The following LBR variants were observed in gnomAD, a reference collection of about 807,000 sequenced individuals.
LBR encodes the protein lamin B receptor.
LBR carries 28 observed loss-of-function variants against 74.3 expected under a neutral mutation model. The observed-to-expected ratio is 0.38, with a 90% confidence interval of 0.28 to 0.52. The LOEUF (loss-of-function observed/expected upper bound fraction) is 0.52, where lower values mean the gene tolerates loss of function less well. Ranked by LOEUF, LBR falls within the 20% of genes least tolerant of loss-of-function variation. The pLI is 0.89. For synonymous variants in LBR, 228 were observed against 269.3 expected (o/e 0.85, Z 1.50); for missense variants, 717 against 760.3 (o/e 0.94, Z 0.67).
chr1:225,417,959 C>T (rs1221141568), intron 6 of LBR, 25 bp downstream of exon 6: 1 of 1,608,396 alleles, frequency 6.2e-7, no homozygotes, highest in African/African-American at 1.3e-5. Context: ...CTTATTAAAA[C>T]AAAACAGAAT....
intron 11 of LBR, 177 bp downstream of exon 11, chr1:225,406,487 C>T (rs1436495348): frequency 3.1e-5 from 18 of 589,566 alleles, no homozygotes; most frequent in Admixed American, 6.6e-5. Context: ...AACCCAAGTA[C>T]GAACCATCCA....
chr1:225,417,910 A>C, intron 6 of LBR, 74 bp downstream of exon 6: 4 of 1,399,846 alleles, frequency 2.9e-6, no homozygotes, highest in Non-Finnish European at 4.0e-6. Context: ...TTGATCCCAG[A>C]AATTGGAGAC....
chr1:225,409,826 T>C (rs2096100967), intron 10 of LBR, among the ~76,000 whole-genome samples: 1 of 152,246 alleles, frequency 6.6e-6, no homozygotes, highest in African/African-American at 2.4e-5. Context: ...GTTTCCTCAA[T>C]GCATCTTGAT....
rs1156536082 is a variant in LBR, at chr1:225,404,464, C to A, written c.1627G>T (p.Val543Phe). ...NLLVSGWWGF[V>F]RHPNYLGDLI... The stretch of plus-strand genomic sequence containing the variant: ...TCACCCAAGTAATTGGGGTGGCGAA[C>A]AAAGCCCCACCATCCAGAAACTAGA... The change falls in exon 13 of 14, where the codon GTT becomes TTT. Residue 543 changes from valine (V) to phenylalanine (F), a missense_variant. Physicochemically the swap from Val to Phe is conservative, Grantham distance 50. Coordinates refer to ENST00000272163, the MANE Select transcript of LBR (RefSeq NM_002296.4). 6.2e-7 allele frequency: 1 copy of A among 1,613,922 alleles called. No homozygotes were observed. The highest frequency in any genetic ancestry group is 8.5e-7 in the Non-Finnish European group (1 of 1,179,952).
rs1009715880 is a variant in LBR, at chr1:225,401,590, A to G, written c.*1713T>C. ...ACATGTCAAAAACAAACTTAAAAAC[A>G]AAGTGTAGCTGATATCCAGAAATTG... is the stretch of plus-strand genomic sequence containing the variant. On this transcript the variant is annotated 3_prime_UTR_variant, in exon 14 of 14. Coordinates refer to ENST00000272163, the MANE Select transcript of LBR (RefSeq NM_002296.4). 1.3e-5 allele frequency: 2 copies of G among 152,214 alleles called. No homozygotes were observed. Among genetic ancestry groups the G allele is most frequent in the African/African-American group, 4.8e-5 (2 of 41,462 alleles). The allele number at this position is 152,214 out of a possible 1,614,324, so 9.4% of individuals were successfully genotyped here.
rs1200721709 is a variant in LBR at position 225,401,662 on chromosome 1, T to G, written c.*1641A>C. 1 of 152,152 alleles carries G rather than the reference T, an allele frequency of 6.6e-6. No individual in the cohort carries two copies. The allele number at this position is 152,152 out of a possible 1,614,324, so 9.4% of individuals were successfully genotyped here. A position where few individuals can be genotyped will look rare whatever the true frequency, so the allele number is the denominator to read the frequency against. On this transcript the variant is annotated 3_prime_UTR_variant, in exon 14 of 14. Transcript: ENST00000272163. ...CTCTTTTCATTACCAGGGAAAGAATTTAATGTCCTTCCTTCCTCCCCAAAA... is the reference window on the plus strand; with the variant it reads ...CTCTTTTCATTACCAGGGAAAGAATGTAATGTCCTTCCTTCCTCCCCAAAA...
chr1:225,428,029 G>C lies in LBR; in HGVS notation c.-90C>G, dbSNP rs1347114507. 1 of 152,036 alleles carries C rather than the reference G, an allele frequency of 6.6e-6. No homozygotes were observed. The highest frequency in any genetic ancestry group is 1.9e-4 in the East Asian group (1 of 5,166). The allele number at this position is 152,036 out of a possible 1,614,324, so 9.4% of individuals were successfully genotyped here. A position where few individuals can be genotyped will look rare whatever the true frequency, so the allele number is the denominator to read the frequency against. On this transcript the variant is annotated 5_prime_UTR_variant, in exon 1 of 14. Coordinates refer to ENST00000272163, the MANE Select transcript of LBR (RefSeq NM_002296.4). The stretch of plus-strand genomic sequence containing the variant: ...CAGCAACCCGGCGGCAGATCCACGC[G>C]CGCGACGCTACCCGGCCGCGCTCTC...
In LBR at chr1:225,419,316, G is replaced by C; in HGVS notation, c.587C>G (p.Thr196Ser). ...KYVAKELAVR[T>S]FEVTPIRAKD... is the part of the protein sequence containing the mutation. ...TGCCCGGATGGGGGTCACTTCAAAG[G>C]TTCTCACTGCCAGTTCTTTTGCAAC... is the stretch of plus-strand genomic sequence containing the variant. Residue 196 changes from threonine to serine, a missense_variant, in exon 5 of 14, where the codon ACC becomes AGC. Coordinates refer to ENST00000272163, the MANE Select transcript of LBR (RefSeq NM_002296.4). 1 of 1,614,210 alleles carries C rather than the reference G, an allele frequency of 6.2e-7. No individual in the cohort carries two copies. Among genetic ancestry groups the C allele is most frequent in the Non-Finnish European group, 8.5e-7 (1 of 1,180,042 alleles).
At chr1:225,403,880 T>TC (rs1180643106) in intron 13 of LBR, among the ~76,000 whole-genome samples, 2 of 9,012 alleles carry the variant, frequency 2.2e-4, no homozygotes, top group African/African-American at 1.0e-3. Flanking sequence ...TTCCCCCAGC[T>TC]CCCCCAGCTT....
Position 225,403,414 on chromosome 1 carries a change from C to A in LBR, c.1737G>T (p.Leu579Phe), listed in dbSNP as rs1262705462. 6.2e-7 allele frequency: 1 copy of A among 1,612,104 alleles called. No homozygotes were observed. Among genetic ancestry groups the A allele is most frequent in the Admixed American group, 1.7e-5 (1 of 59,874 alleles). The stretch of plus-strand genomic sequence containing the variant: ...CGTCACGAGCTTCTCGGTGGACAAG[C>A]AACATGGTGAAATAAATTATGTAGA... ...PYFYIIYFTM[L>F]LVHREARDEY... The change falls in exon 14 of 14, where the codon TTG becomes TTT. Residue 579 changes from leucine to phenylalanine, a missense_variant. Physicochemically the swap from Leu to Phe is conservative, Grantham distance 22. Coordinates refer to ENST00000272163, the MANE Select transcript of LBR (RefSeq NM_002296.4).
chr1:225,426,860 T>C (rs2096140200), intron 1 of LBR, among the ~76,000 whole-genome samples: 1 of 152,202 alleles, frequency 6.6e-6, no homozygotes, highest in Non-Finnish European at 1.5e-5. Flanking sequence ...CAGCTCATCA[T>C]TCCCCTCCTG....
intron 2 of LBR, among the ~76,000 whole-genome samples, chr1:225,423,448 C>T (rs2096132320): frequency 6.6e-6 from 1 of 152,084 alleles, no homozygotes; most frequent in African/African-American, 2.4e-5. Context: ...CCTCCCCTAC[C>T]ACCCCCTTCC....
chr1:225,404,488 G>A lies in LBR; in HGVS notation c.1603C>T (p.Leu535=). 1 of 1,613,712 alleles carries A rather than the reference G, an allele frequency of 6.2e-7. No homozygotes were observed. The highest frequency in any genetic ancestry group is 8.5e-7 in the Non-Finnish European group (1 of 1,179,654). Reference sequence around the variant, plus strand: ...ACAAAGCCCCACCATCCAGAAACTAGAAGATTTTTTCCCGTTGAAGTATGA... The same window carrying A: ...ACAAAGCCCCACCATCCAGAAACTAAAAGATTTTTTCCCGTTGAAGTATGA... The part of the protein sequence containing the change: ...TIHTSTGKNL[L]VSGWWGFVRH... The change falls in exon 13 of 14, where the codon CTA becomes TTA. Residue 535 remains leucine, a synonymous_variant. Transcript: ENST00000272163.
At chr1:225,415,089 TA>T (rs2096114514) in intron 7 of LBR, among the ~76,000 whole-genome samples, 188 bp downstream of exon 7, 2 of 152,236 alleles carry the variant, frequency 1.3e-5, no homozygotes, top group African/African-American at 4.8e-5. Context: ...CAAGAGTGAC[TA>T]AGAGGCTATG....
intron 9 of LBR, 120 bp from the exon 10 acceptor site, chr1:225,410,536 C>T (rs1234997149): frequency 3.0e-6 from 3 of 992,708 alleles, no homozygotes; most frequent in East Asian, 2.6e-5. Flanking sequence ...AACTCCTACC[C>T]GCCACCAGGA....
chr1:225,417,892 A>G (rs1322217853), intron 6 of LBR, 92 bp downstream of exon 6: 34 of 1,149,516 alleles, frequency 3.0e-5, no homozygotes, highest in Non-Finnish European at 4.1e-5. Flanking sequence ...CTGCGGCAAG[A>G]GGATCACTTG....
At chr1:225,424,458 T>C (rs2096135309) in intron 1 of LBR, among the ~76,000 whole-genome samples, 1 of 152,364 alleles carries the variant, frequency 6.6e-6, no homozygotes, top group African/African-American at 2.4e-5. Flanking sequence ...TAAAAATGCA[T>C]TTAATTGTAT....
intron 8 of LBR, among the ~76,000 whole-genome samples, chr1:225,411,725 AT>A (rs1037647217): frequency 1.7e-4 from 26 of 152,086 alleles, no homozygotes; most frequent in African/African-American, 5.8e-4. Flanking sequence ...TTTACACTCC[AT>A]TTTTTTTAGA....
chr1:225,428,345 TCGCAGCACACGGAGCC>T (rs1250692691), upstream of LBR, among the ~76,000 whole-genome samples: 1 of 152,026 alleles, frequency 6.6e-6, no homozygotes, highest in Non-Finnish European at 1.5e-5. Context: ...CCAGGCGCCC[TCGCAGCACACGGAGCC>T]CGCGCGCTCC....
Sources: allele counts gnomAD v4.1 joint callset (sites outside exome capture counted in the v4.1 genomes callset), GRCh38; gene constraint gnomAD v4.1.1; transcripts MANE v1.5; gene names NCBI Gene and HGNC (gene_info 2026-07-23, HGNC 2026-07-21).